PTPRT: variants seen among roughly 807,000 people sequenced by gnomAD.
The protein encoded by PTPRT is receptor-type tyrosine-protein phosphatase T.
PTPRT carries 56 observed loss-of-function variants against 176.8 expected under a neutral mutation model. The ratio of observed to expected loss-of-function variants is 0.32; its 90% CI spans 0.26 to 0.40. The LOEUF (loss-of-function observed/expected upper bound fraction) is 0.40, where lower values mean the gene tolerates loss of function less well. PTPRT is among the 10% of genes least tolerant of loss of function. PTPRT has a pLI of 1.00. For synonymous variants in PTPRT, 783 were observed against 739.0 expected (o/e 1.06, Z -0.96); for missense variants, 1,540 against 1,908.2 (o/e 0.81, Z 3.60).
At chr20:42,307,733 G>T (rs1363436056) in intron 12 of PTPRT, among the ~76,000 whole-genome samples, 1 of 152,136 alleles carries the variant, frequency 6.6e-6, no homozygotes, top group Non-Finnish European at 1.5e-5. Flanking sequence ...TTGAACCAGA[G>T]CAACTCCATC....
At chr20:42,353,634 A>G (rs767596197) in intron 9 of PTPRT, among the ~76,000 whole-genome samples, 3 of 152,212 alleles carry the variant, frequency 2.0e-5, no homozygotes, top group Admixed American at 6.5e-5. Flanking sequence ...TGAAAATAAC[A>G]ATTGGTAGCC....
At chr20:42,513,922 A>G (rs1423051553) in intron 7 of PTPRT, among the ~76,000 whole-genome samples, 1 of 152,144 alleles carries the variant, frequency 6.6e-6, no homozygotes. Context: ...TTCTCTGAAC[A>G]GTATGTGTGG....
chr20:43,158,574 T>A (rs533732149), intron 1 of PTPRT, among the ~76,000 whole-genome samples: 122 of 152,324 alleles, frequency 8.0e-4, no homozygotes, highest in African/African-American at 2.9e-3. Flanking sequence ...ATTCTGTTCG[T>A]GCTCCCATCA....
rs138133133 is a variant in PTPRT at position 42,598,147 on chromosome 20, A to G, written c.1153+79719T>C. On this transcript the variant is annotated intron_variant, in intron 7 of 30. Transcript: ENST00000373187. ...TCGTATAGCTGTTAAAAAAAAACAC[A>G]AGTGATCAAAAGGTATTTAAGTAAA... 2.3e-3 allele frequency among the ~76,000 whole-genome samples: 346 copies of G among 152,252 alleles called. 7 individuals are homozygous for G. Among genetic ancestry groups the G allele is most frequent in the East Asian group, 0.018 (95 of 5,188 alleles).
intron 7 of PTPRT, among the ~76,000 whole-genome samples, chr20:42,562,072 G>A (rs2072961705): frequency 6.6e-6 from 1 of 152,194 alleles, no homozygotes; most frequent in Non-Finnish European, 1.5e-5. Flanking sequence ...TGCTTCGTCT[G>A]TAAACTAATG....
chr20:42,367,126 G>C (rs1031589531), intron 9 of PTPRT, among the ~76,000 whole-genome samples: 1 of 152,238 alleles, frequency 6.6e-6, no homozygotes. Context: ...GTGTGAACCT[G>C]ATTAACAATG....
intron 1 of PTPRT, among the ~76,000 whole-genome samples, chr20:43,078,659 C>T (rs1007911093): frequency 6.6e-6 from 1 of 152,200 alleles, no homozygotes; most frequent in Admixed American, 6.5e-5. Context: ...CAAACGCTTT[C>T]CACTTAGAGA....
intron 7 of PTPRT, among the ~76,000 whole-genome samples, chr20:42,622,074 G>C (rs572515094): frequency 1.3e-5 from 2 of 152,252 alleles, no homozygotes; most frequent in Non-Finnish European, 2.9e-5. Flanking sequence ...CTAAAGGACA[G>C]GGCTCTCCTT....
At chr20:42,701,154 G>T (rs1037427740) in intron 6 of PTPRT, among the ~76,000 whole-genome samples, 1 of 152,122 alleles carries the variant, frequency 6.6e-6, no homozygotes, top group Non-Finnish European at 1.5e-5. Flanking sequence ...GTGGCCATCC[G>T]TAAGTTATAA....
chr20:42,235,146 T>C (rs2056215141), intron 15 of PTPRT, among the ~76,000 whole-genome samples: 1 of 152,324 alleles, frequency 6.6e-6, no homozygotes, highest in South Asian at 2.1e-4. Flanking sequence ...ATATTAGGAA[T>C]GTGGACTAGT....
At chr20:42,873,580 G>T (rs2078880904) in intron 2 of PTPRT, among the ~76,000 whole-genome samples, 1 of 151,648 alleles carries the variant, frequency 6.6e-6, no homozygotes, top group African/African-American at 2.4e-5. Context: ...AAAAGAAATG[G>T]GTTACTTTTA....
intron 11 of PTPRT, among the ~76,000 whole-genome samples, chr20:42,327,144 G>A (rs1162828881): frequency 2.7e-5 from 4 of 150,646 alleles, no homozygotes; most frequent in African/African-American, 4.9e-5. Context: ...ATAATTTTAT[G>A]TATAAAATTA....
At chr20:43,021,041 C>T (rs1054241415) in intron 1 of PTPRT, among the ~76,000 whole-genome samples, 22 of 152,184 alleles carry the variant, frequency 1.4e-4, no homozygotes, top group African/African-American at 5.3e-4. Flanking sequence ...TACACAGAAA[C>T]TGCTTACCCA....
chr20:42,601,827 TG>T (rs1207351531), intron 7 of PTPRT, among the ~76,000 whole-genome samples: 1 of 152,204 alleles, frequency 6.6e-6, no homozygotes, highest in Non-Finnish European at 1.5e-5. Flanking sequence ...TTAGGTGTGC[TG>T]GTTCCCAAGA....
chr20:42,788,733 T>C (rs1341688714), intron 3 of PTPRT, among the ~76,000 whole-genome samples: 2 of 152,200 alleles, frequency 1.3e-5, no homozygotes, highest in East Asian at 3.9e-4. Flanking sequence ...TGCGGGATTC[T>C]CCAGCAATGG....
chr20:42,366,766 C>A (rs971609839), intron 9 of PTPRT, among the ~76,000 whole-genome samples: 1 of 107,922 alleles, frequency 9.3e-6, no homozygotes, highest in Non-Finnish European at 2.2e-5. Context: ...GGCTACACGG[C>A]ACATGTGAGG....
At chr20:42,452,105 C>A (rs1052792950) in intron 8 of PTPRT, among the ~76,000 whole-genome samples, 3 of 151,926 alleles carry the variant, frequency 2.0e-5, no homozygotes, top group Middle Eastern at 3.2e-3. Context: ...CCTGTCTTTA[C>A]TAAAAATACA....
At chr20:42,753,653 G>T (rs1600700307) in intron 6 of PTPRT, among the ~76,000 whole-genome samples, 1 of 152,114 alleles carries the variant, frequency 6.6e-6, no homozygotes, top group South Asian at 2.1e-4. Flanking sequence ...ATATTGCCAG[G>T]CCTGGCTACT....
At chr20:42,771,661 TAAG>T in intron 4 of PTPRT, 111 bp from the exon 5 acceptor site, 1 of 807,604 alleles carries the variant, frequency 1.2e-6, no homozygotes, top group Non-Finnish European at 2.1e-6. Context: ...AACTGGCACT[TAAG>T]AAGTAGCCCG....
Sources: allele counts gnomAD v4.1 joint callset (sites outside exome capture counted in the v4.1 genomes callset), GRCh38; gene constraint gnomAD v4.1.1; transcripts MANE v1.5; gene names NCBI Gene and HGNC (gene_info 2026-07-23, HGNC 2026-07-21).